STK33: variants seen among roughly 807,000 people sequenced by gnomAD.
The protein encoded by STK33 is serine/threonine kinase 33.
A neutral mutation model predicts 58.0 loss-of-function variants in STK33; 52 were observed. The observed-to-expected ratio is 0.90, with a 90% CI of 0.72 to 1.13. The LOEUF is 1.13. STK33 is among the 50% of genes most tolerant of loss of function. The pLI is 0.00. For synonymous variants in STK33, 215 were observed against 200.1 expected (o/e 1.07, Z -0.63); for missense variants, 630 against 604.2 (o/e 1.04, Z -0.45).
At chr11:8,368,975 G>A in the STK33 span, among the ~76,000 whole-genome samples, 6 of 152,140 alleles carry the variant, frequency 3.9e-5, no homozygotes, top group African/African-American at 7.2e-5. Flanking sequence ...AGCCATCAGC[G>A]TCTGCGTCCA....
chr11:8,500,649 A>G (rs1484129160), intron 1 of STK33, among the ~76,000 whole-genome samples: 2 of 152,210 alleles, frequency 1.3e-5, no homozygotes, highest in Admixed American at 1.3e-4. Context: ...CCCTATTGAA[A>G]TTCCATCTAC....
intron 11 of STK33, among the ~76,000 whole-genome samples, chr11:8,451,894 G>A (rs976511375): frequency 2.0e-5 from 3 of 152,014 alleles, no homozygotes; most frequent in Admixed American, 6.6e-5. Context: ...GTTTGATGGC[G>A]ATGAAACTGG....
chr11:8,435,600 C>T, intron 13 of STK33, 21 bp from the exon 14 acceptor site: 2 of 1,396,482 alleles, frequency 1.4e-6, no homozygotes, highest in South Asian at 3.2e-5. Flanking sequence ...GAAAAAAATC[C>T]TGAAAAATCT....
At chr11:8,492,506 T>C (rs927057252) in intron 1 of STK33, among the ~76,000 whole-genome samples, 1 of 152,052 alleles carries the variant, frequency 6.6e-6, no homozygotes, top group African/African-American at 2.4e-5. Flanking sequence ...CAGAAGACTA[T>C]AACACCCCAC....
intron 1 of STK33, among the ~76,000 whole-genome samples, chr11:8,576,987 T>TG (rs771918352): frequency 3.3e-5 from 5 of 152,292 alleles, no homozygotes; most frequent in South Asian, 2.1e-4. Flanking sequence ...ATGCTATAAG[T>TG]GATCCTCCTG....
At chr11:8,369,007 G>T in the STK33 span, among the ~76,000 whole-genome samples, 1 of 152,144 alleles carries the variant, frequency 6.6e-6, no homozygotes. Flanking sequence ...TGCCGGTTAG[G>T]GGACAGAGAG....
chr11:8,540,152 A>C (rs934178851), intron 1 of STK33, among the ~76,000 whole-genome samples: 1 of 152,156 alleles, frequency 6.6e-6, no homozygotes, highest in Non-Finnish European at 1.5e-5. Flanking sequence ...CCAAGATATG[A>C]AAAAACCTAA....
At position 8,440,726 on chromosome 11, in the gene STK33, T is replaced by C. The variant is rs1313267625; in HGVS notation, c.899A>G (p.Tyr300Cys). 7.0e-6 allele frequency: 11 copies of C among 1,570,804 alleles called. No homozygotes were observed. In the Admixed American group the frequency reaches 1.1e-4, roughly 16 times the overall value. The change falls in exon 12 of 16, where the codon TAT (tyrosine) becomes TGT (cysteine). Residue 300 changes from tyrosine to cysteine, a missense_variant. By Grantham distance (194) the Tyr-to-Cys change is radical. Coordinates refer to ENST00000687296, the MANE Select transcript of STK33 (RefSeq NM_001352389.2). ...GCTCCAAATGTCACACTGCTGGCTATAGTCGTGGGCACTGATAACTTCAGG... is the reference window on the plus strand; with the variant it reads ...GCTCCAAATGTCACACTGCTGGCTACAGTCGTGGGCACTGATAACTTCAGG... Reference protein sequence around the residue: ...MAPEVISAHDYSQQCDIWSIG... With the variant: ...MAPEVISAHDCSQQCDIWSIG...
intron 2 of STK33, among the ~76,000 whole-genome samples, 199 bp from the exon 3 acceptor site, chr11:8,477,482 A>T (rs992721232): frequency 2.0e-5 from 3 of 152,156 alleles, no homozygotes; most frequent in Non-Finnish European, 4.4e-5. Context: ...ATTTTATGGT[A>T]CTTTTTATAA....
chr11:8,470,837 A>T (rs58049051), intron 6 of STK33, among the ~76,000 whole-genome samples: 5,080 of 152,306 alleles, frequency 0.033, 139 homozygotes, highest in South Asian at 0.079. Flanking sequence ...TGACACCCCC[A>T]AACAAGTACA....
chr11:8,349,156 T>C, the STK33 span, among the ~76,000 whole-genome samples: 12 of 152,334 alleles, frequency 7.9e-5, no homozygotes, highest in South Asian at 1.0e-3. Flanking sequence ...TTAGACATGT[T>C]GGTTGACTTT....
chr11:8,386,595 G>T, the STK33 span, among the ~76,000 whole-genome samples: 1 of 152,178 alleles, frequency 6.6e-6, no homozygotes, highest in African/African-American at 2.4e-5. Context: ...ACCATCCCCC[G>T]CTGCTGGCTT....
At position 8,577,563 on chromosome 11, in the gene STK33, TTACTA is replaced by T. The variant is rs530717721; in HGVS notation, c.-466+16515_-466+16519del. On this transcript the variant is annotated intron_variant, in intron 1 of 15. Coordinates refer to ENST00000687296, the MANE Select transcript of STK33 (RefSeq NM_001352389.2). ...GGGTATATAAATATATTATTTTTCTTTACTATACATATTCTTTTTAAAAACTCTAG... is the reference window on the plus strand; with the variant it reads ...GGGTATATAAATATATTATTTTTCTTTACATATTCTTTTTAAAAACTCTAG... 2.1e-3 allele frequency among the ~76,000 whole-genome samples: 320 copies of T among 152,244 alleles called. 2 individuals carry two copies. The highest frequency in any genetic ancestry group is 7.3e-3 in the African/African-American group (305 of 41,570).
the STK33 span, among the ~76,000 whole-genome samples, chr11:8,358,908 T>A: frequency 6.6e-6 from 1 of 152,304 alleles, no homozygotes; most frequent in South Asian, 2.1e-4. Context: ...AGATACCACC[T>A]TCCTCACGTG....
intron 15 of STK33, among the ~76,000 whole-genome samples, chr11:8,403,820 T>C (rs1048618258): frequency 1.3e-5 from 2 of 152,250 alleles, no homozygotes; most frequent in Admixed American, 6.5e-5. Context: ...TTCACTGGCA[T>C]AGCTTTAACC....
the STK33 span, among the ~76,000 whole-genome samples, chr11:8,360,415 C>T: frequency 3.9e-3 from 595 of 152,366 alleles, 3 homozygotes; most frequent in African/African-American, 0.014. Flanking sequence ...CCCAGGTCCA[C>T]ATTGTCACTT....
intron 11 of STK33, among the ~76,000 whole-genome samples, chr11:8,449,580 G>A (rs573992745): frequency 1.2e-4 from 17 of 144,706 alleles, no homozygotes; most frequent in East Asian, 4.4e-4. Flanking sequence ...GGAATTGAAC[G>A]ATGAGAACAC....
At chr11:8,405,267 T>G (rs941342191) in intron 15 of STK33, among the ~76,000 whole-genome samples, 7 of 152,246 alleles carry the variant, frequency 4.6e-5, no homozygotes, top group Admixed American at 1.3e-4. Context: ...GTTTTTAATT[T>G]TGGCCGTTCT....
At chr11:8,442,673 G>C (rs1021466142) in intron 11 of STK33, among the ~76,000 whole-genome samples, 6 of 152,156 alleles carry the variant, frequency 3.9e-5, no homozygotes, top group Non-Finnish European at 4.4e-5. Context: ...TTGCCAACAG[G>C]GGGATATGAA....
Sources: allele counts gnomAD v4.1 joint callset (sites outside exome capture counted in the v4.1 genomes callset), GRCh38; gene constraint gnomAD v4.1.1; transcripts MANE v1.5; gene names NCBI Gene and HGNC (gene_info 2026-07-23, HGNC 2026-07-21).